The following AMZ2 variants were observed in gnomAD, a reference collection of about 807,000 sequenced individuals.
AMZ2 encodes archaelysin family metallopeptidase 2, also known as archaemetzincin-2.
Under a neutral mutation model 36.7 loss-of-function variants are expected in AMZ2, and 26 were observed. The observed-to-expected ratio is 0.71, with a 90% CI of 0.52 to 0.98. The LOEUF (loss-of-function observed/expected upper bound fraction) is 0.98. Among genes scored for constraint, AMZ2 ranks in the 50% least tolerant of loss-of-function variants. The pLI is 0.00. For synonymous variants in AMZ2, 144 were observed against 149.1 expected (o/e 0.97, Z 0.25); for missense variants, 394 against 430.5 (o/e 0.92, Z 0.75).
At chr17:68,218,394 T>A (rs2073257925) in intron 1 of AMZ2, among the ~76,000 whole-genome samples, 1 of 152,094 alleles carries the variant, frequency 6.6e-6, no homozygotes, top group Non-Finnish European at 1.5e-5. Context: ...CTCACTATGT[T>A]GCCAGGCTGG....
intron 1 of AMZ2, among the ~76,000 whole-genome samples, chr17:68,237,875 C>T (rs753760024): frequency 6.6e-6 from 1 of 152,114 alleles, no homozygotes; most frequent in Non-Finnish European, 1.5e-5. Context: ...CGGCTGTTCC[C>T]TCCCCCAGAA....
chr17:68,233,742 G>C (rs2073723919), intron 1 of AMZ2, among the ~76,000 whole-genome samples: 1 of 149,470 alleles, frequency 6.7e-6, no homozygotes, highest in Admixed American at 6.6e-5. Context: ...TTTTTTTTGG[G>C]ACAGGGTCTT....
intron 1 of AMZ2, among the ~76,000 whole-genome samples, chr17:68,241,741 A>ATTC (rs1299685608): frequency 6.6e-6 from 1 of 150,986 alleles, no homozygotes; most frequent in Non-Finnish European, 1.5e-5. Context: ...TATTATTATT[A>ATTC]TTGAGATGGA....
intron 1 of AMZ2, among the ~76,000 whole-genome samples, chr17:68,232,771 G>A (rs1305242264): frequency 2.6e-5 from 4 of 151,954 alleles, no homozygotes; most frequent in African/African-American, 7.3e-5. Flanking sequence ...TTGAACCTAG[G>A]GGGTGGAGGT....
intron 1 of AMZ2, among the ~76,000 whole-genome samples, chr17:68,209,622 A>ATATATATATATATATG (rs2072967321): frequency 1.1e-4 from 9 of 83,112 alleles, no homozygotes; most frequent in South Asian, 4.2e-4. Context: ...ATATATATAT[A>ATATATATATATATATG]TATATATATA....
chr17:68,207,315 C>CCCCA (rs1555724648), intron 1 of AMZ2: 2 of 124,310 alleles, frequency 1.6e-5, no homozygotes, highest in African/African-American at 6.1e-5. Flanking sequence ...TGTTAAATAC[C>CCCCA]CCCCCCCCAC....
intron 1 of AMZ2, among the ~76,000 whole-genome samples, chr17:68,227,163 T>C (rs1377551749): frequency 6.6e-6 from 1 of 152,160 alleles, no homozygotes; most frequent in Non-Finnish European, 1.5e-5. Flanking sequence ...TTCCCACTGG[T>C]GTCACACCCA....
intron 1 of AMZ2, among the ~76,000 whole-genome samples, chr17:68,209,847 A>G (rs4968997): frequency 0.25 from 37,561 of 150,950 alleles, 5,001 homozygotes; most frequent in South Asian, 0.29. Context: ...TCTTGAACTC[A>G]TAAACTCAGG....
chr17:68,212,667 A>G (rs1555726352), intron 1 of AMZ2, among the ~76,000 whole-genome samples: 1 of 152,036 alleles, frequency 6.6e-6, no homozygotes, highest in Non-Finnish European at 1.5e-5. Context: ...CCTAGGTTCA[A>G]GCGATACTCC....
At chr17:68,224,831 A>G (rs1309398070) in intron 1 of AMZ2, among the ~76,000 whole-genome samples, 8 of 149,248 alleles carry the variant, frequency 5.4e-5, no homozygotes, top group African/African-American at 1.5e-4. Flanking sequence ...CTCTCTATCT[A>G]TCATCCTCTT....
chr17:68,254,267 A>G (rs1643099637), intron 4 of AMZ2, 137 bp from the exon 5 acceptor site: 4 of 759,354 alleles, frequency 5.3e-6, no homozygotes, highest in Non-Finnish European at 8.0e-6. Context: ...GTGGCAAACC[A>G]TAAGTGTATC....
Position 68,219,714 on chromosome 17 carries a change from TG to T in AMZ2, c.-67+13477del, listed in dbSNP as rs1410837632. 6.6e-5 allele frequency among the ~76,000 whole-genome samples: 10 copies of T among 151,404 alleles called. No homozygotes were observed. In the East Asian group the frequency reaches 1.9e-3, roughly 29 times the overall value. On this transcript the variant is annotated intron_variant, in intron 1 of 7. Coordinates refer to the AMZ2 transcript ENST00000674770. ...ATCTGGCAAATTTTTTTTTTTTTTTTGTAGAGATGAGGTCTCGCTATATTGC... is the reference window on the plus strand; with the variant it reads ...ATCTGGCAAATTTTTTTTTTTTTTTTTAGAGATGAGGTCTCGCTATATTGC...
At position 68,248,615 on chromosome 17, in the gene AMZ2, G is replaced by C; in HGVS notation, c.-91G>C. The C allele has an allele frequency of 1.0e-6, 1 of 985,904 alleles. No homozygotes were observed. The highest frequency in any genetic ancestry group is 1.7e-5 in the African/African-American group (1 of 57,358). The allele number at this position is 985,904 out of a possible 1,614,324, so 61.1% of individuals were successfully genotyped here. On this transcript the variant is annotated 5_prime_UTR_variant, in exon 1 of 7. Coordinates refer to ENST00000359904, the MANE Select transcript of AMZ2 (RefSeq NM_016627.5). ...ACTGCCTTTTTAATATTAAGATGAA[G>C]TCACACTCCACAACTTTCTTCCAGC...
At chr17:68,229,044 A>G (rs2362728) in intron 1 of AMZ2, among the ~76,000 whole-genome samples, 21,885 of 152,082 alleles carry the variant, frequency 0.14, 1,738 homozygotes, top group East Asian at 0.29. Flanking sequence ...TCCTGGGTTA[A>G]CTGAAGCCTT....
At chr17:68,250,632 C>A (rs782167015) in intron 2 of AMZ2, 162 bp downstream of exon 2, 1 of 1,210,780 alleles carries the variant, frequency 8.3e-7, no homozygotes, top group Non-Finnish European at 1.1e-6. Flanking sequence ...TAAAAGATAA[C>A]ATTTTGTTTC....
At chr17:68,254,680 A>T in intron 5 of AMZ2, 113 bp downstream of exon 5, 1 of 1,032,448 alleles carries the variant, frequency 9.7e-7, no homozygotes, top group Non-Finnish European at 1.4e-6. Flanking sequence ...TATCATTTGT[A>T]TAATTTTGGT....
At chr17:68,213,587 T>G (rs1555726571) in intron 1 of AMZ2, among the ~76,000 whole-genome samples, 1 of 152,216 alleles carries the variant, frequency 6.6e-6, no homozygotes, top group African/African-American at 2.4e-5. Flanking sequence ...CTGTCTATGG[T>G]GTTCTGCAGT....
chr17:68,236,723 C>G (rs57309159), intron 1 of AMZ2, among the ~76,000 whole-genome samples: 15,082 of 151,814 alleles, frequency 0.099, 854 homozygotes, highest in Non-Finnish European at 0.12. Context: ...AGGCACCCAC[C>G]ACCACATCCC....
upstream of AMZ2, among the ~76,000 whole-genome samples, chr17:68,243,835 C>G (rs2073951439): frequency 6.6e-6 from 1 of 152,014 alleles, no homozygotes; most frequent in African/African-American, 2.4e-5. Flanking sequence ...GGAATGCAAA[C>G]AAAAATAAAT....
Sources: allele counts gnomAD v4.1 joint callset (sites outside exome capture counted in the v4.1 genomes callset), GRCh38; gene constraint gnomAD v4.1.1; transcripts MANE v1.5; gene names NCBI Gene and HGNC (gene_info 2026-07-23, HGNC 2026-07-21).